The following DACH2 variants were observed in gnomAD, a reference collection of about 807,000 sequenced individuals.
DACH2 encodes the protein dachshund family transcription factor 2, also known as dachshund homolog 2.
DACH2 carries 17 observed loss-of-function variants against 35.8 expected under a neutral mutation model. That is an observed-to-expected ratio of 0.48 (90% CI 0.33 to 0.71). The LOEUF is 0.71. Ranked by LOEUF, DACH2 falls within the 30% of genes least tolerant of loss-of-function variation. The pLI is 0.02. For synonymous variants in DACH2, 195 were observed against 177.3 expected, an observed-to-expected ratio of 1.10 and a Z score of -0.79; for missense variants, 469 against 472.7, an observed-to-expected ratio of 0.99 and a Z score of 0.07.
At chrX:86,476,550 T>A (rs1053240948) in intron 2 of DACH2, among the ~76,000 whole-genome samples, 1 of 111,612 alleles carries the variant, frequency 9.0e-6, no homozygotes, top group African/African-American at 3.2e-5. Context: ...TTTTTGTTAG[T>A]TAGTTTGGTT....
intron 6 of DACH2, among the ~76,000 whole-genome samples, chrX:86,732,875 T>C (rs779725871): frequency 9.0e-6 from 1 of 111,449 alleles, no homozygotes; most frequent in Non-Finnish European, 1.9e-5. Context: ...TGTTCTCTTA[T>C]CAGTAATGGG....
chrX:86,593,218 T>C lies in DACH2; in HGVS notation c.641-57818T>C, dbSNP rs181090492. Among the ~76,000 whole-genome samples, 7 of 110,129 alleles carry C rather than the reference T, an allele frequency of 6.4e-5. No homozygotes were observed. The East Asian group carries it at 1.7e-3, about 27-fold the overall frequency. ...CTATTTCTGTCTTGTTGAGAGTTTT[T>C]AAGGTGAATGAATGTTTTATTTTGT... is the stretch of plus-strand genomic sequence containing the variant. On this transcript the variant is annotated intron_variant, in intron 3 of 11. Transcript: ENST00000373125.
intron 2 of DACH2, among the ~76,000 whole-genome samples, chrX:86,462,658 G>A (rs771252608): frequency 8.4e-4 from 93 of 111,260 alleles, no homozygotes; most frequent in African/African-American, 3.0e-3. Context: ...TTGGTGTTTG[G>A]ATGCCCTGCT....
intron 4 of DACH2, among the ~76,000 whole-genome samples, chrX:86,668,942 T>A (rs2040731796): frequency 8.9e-6 from 1 of 111,733 alleles, no homozygotes; most frequent in African/African-American, 3.2e-5. Context: ...GAAGCATGTA[T>A]TATATGTTAA....
intron 1 of DACH2, among the ~76,000 whole-genome samples, chrX:86,210,135 G>T (rs2032411333): frequency 8.9e-6 from 1 of 111,754 alleles, no homozygotes; most frequent in African/African-American, 3.2e-5. Context: ...GTAGTGCAGT[G>T]CAGTGAAGAA....
At chrX:86,173,779 G>A (rs774497046) in intron 1 of DACH2, among the ~76,000 whole-genome samples, 1 of 112,174 alleles carries the variant, frequency 8.9e-6, no homozygotes, top group Non-Finnish European at 1.9e-5. Context: ...ATCTGACTTA[G>A]ATTTTGAAAG....
intron 7 of DACH2, among the ~76,000 whole-genome samples, chrX:86,767,243 G>A (rs762290561): frequency 8.9e-6 from 1 of 111,944 alleles, no homozygotes; most frequent in South Asian, 3.7e-4. Flanking sequence ...TTCATAAGGT[G>A]TAAACAGGGG....
At chrX:86,666,369 A>C (rs138896895) in intron 4 of DACH2, among the ~76,000 whole-genome samples, 5,280 of 111,109 alleles carry the variant, frequency 0.048, 144 homozygotes, top group East Asian at 0.15. Flanking sequence ...AAGCACCTGC[A>C]TCAACATTAC....
chrX:86,445,455 A>C (rs2037248175), intron 2 of DACH2, among the ~76,000 whole-genome samples: 1 of 94,755 alleles, frequency 1.1e-5, no homozygotes, highest in African/African-American at 3.9e-5. Context: ...ACATGTATAC[A>C]TATGTAACTA....
intron 2 of DACH2, among the ~76,000 whole-genome samples, chrX:86,409,529 G>A (rs186819416): frequency 9.0e-6 from 1 of 110,678 alleles, no homozygotes; most frequent in East Asian, 2.9e-4. Flanking sequence ...ATTTAAAAGT[G>A]TGTGGAACCT....
intron 1 of DACH2, among the ~76,000 whole-genome samples, chrX:86,376,291 A>T (rs2148102429): frequency 9.1e-6 from 1 of 109,407 alleles, no homozygotes; most frequent in East Asian, 2.9e-4. Context: ...TTTAGGAAAT[A>T]AGCACAACAT....
intron 1 of DACH2, among the ~76,000 whole-genome samples, chrX:86,312,056 G>A (rs985804762): frequency 9.0e-6 from 1 of 111,586 alleles, no homozygotes; most frequent in Non-Finnish European, 1.9e-5. Flanking sequence ...TGAGGTGCTT[G>A]CTGAAGGCAA....
chrX:86,599,695 C>A (rs1015333321), intron 3 of DACH2, among the ~76,000 whole-genome samples: 4 of 109,730 alleles, frequency 3.6e-5, no homozygotes, highest in African/African-American at 1.3e-4. Flanking sequence ...CGGGTTTTGC[C>A]ATGTTACCCC....
intron 1 of DACH2, among the ~76,000 whole-genome samples, chrX:86,336,929 T>C (rs1379684400): frequency 9.3e-6 from 1 of 108,107 alleles, no homozygotes; most frequent in Non-Finnish European, 1.9e-5. Flanking sequence ...TTGTGAAGCA[T>C]ACACAAGTAT....
At chrX:86,438,695 T>C (rs1389353611) in intron 2 of DACH2, among the ~76,000 whole-genome samples, 1 of 112,515 alleles carries the variant, frequency 8.9e-6, no homozygotes, top group East Asian at 2.8e-4. Context: ...CAACTATTTA[T>C]ATTCCTTTGG....
chrX:86,771,000 G>C lies in DACH2; in HGVS notation c.1240+31118G>C, dbSNP rs1365732161. 2.7e-5 allele frequency among the ~76,000 whole-genome samples: 3 copies of C among 112,923 alleles called. 1 individual carries two copies. The highest frequency in any genetic ancestry group is 3.8e-5 in the Non-Finnish European group (2 of 53,280). On this transcript the variant is annotated intron_variant, in intron 7 of 11. Transcript: ENST00000373125. ...TTTGTGGTAGATTTGGGGGGTTTTG[G>C]TGACGTTTACCAGGGCATAGTTTTG...
At chrX:86,424,466 AT>A (rs2036858951) in intron 2 of DACH2, among the ~76,000 whole-genome samples, 2 of 109,189 alleles carry the variant, frequency 1.8e-5, no homozygotes, top group African/African-American at 6.6e-5. Flanking sequence ...TTACTTTTTT[AT>A]TTTTTTCACA....
At chrX:86,515,954 T>G (rs989033821) in intron 3 of DACH2, among the ~76,000 whole-genome samples, 7 of 111,921 alleles carry the variant, frequency 6.3e-5, no homozygotes, top group African/African-American at 9.7e-5. Context: ...GCTTCAGTAA[T>G]TAGAGTTAAT....
intron 1 of DACH2, among the ~76,000 whole-genome samples, chrX:86,333,162 T>C (rs1399752979): frequency 8.9e-6 from 1 of 112,255 alleles, no homozygotes; most frequent in Admixed American, 9.5e-5. Context: ...TATTGTTCCT[T>C]CTTTAATTCT....
Sources: allele counts gnomAD v4.1 joint callset (sites outside exome capture counted in the v4.1 genomes callset), GRCh38; gene constraint gnomAD v4.1.1; transcripts MANE v1.5; gene names NCBI Gene and HGNC (gene_info 2026-07-23, HGNC 2026-07-21).